CNTNAP5: variants seen among roughly 807,000 people sequenced by gnomAD.
CNTNAP5 encodes the protein contactin-associated protein-like 5.
Under a neutral mutation model 150.2 loss-of-function variants are expected in CNTNAP5, and 72 were observed. The ratio of observed to expected loss-of-function variants is 0.48; its 90% CI spans 0.40 to 0.58. The LOEUF (loss-of-function observed/expected upper bound fraction) is 0.58, where lower values mean the gene tolerates loss of function less well. Ranked by LOEUF, CNTNAP5 falls within the 20% of genes least tolerant of loss-of-function variation. The probability of loss-of-function intolerance (pLI) is 0.00; values close to 1 mark genes in which losing one functional copy is unlikely to be tolerated. For synonymous variants in CNTNAP5, 672 were observed against 619.8 expected (o/e 1.08, Z -1.25); for missense variants, 1,636 against 1,626.2 (o/e 1.01, Z -0.10).
rs1681506988 is a variant in CNTNAP5, at chr2:124,783,936, C to G, written c.2753-5966C>G. 5.9e-5 allele frequency among the ~76,000 whole-genome samples: 9 copies of G among 152,252 alleles called. No homozygotes were observed. The South Asian group carries it at 1.9e-3, about 32-fold the overall frequency. ...GAAATTAAAGTCTACAGTAGGATTT[C>G]CTCCTGGTACCAAGATTCTGCCAAT... On this transcript the variant is annotated intron_variant, in intron 17 of 23. Transcript: ENST00000682447.
intron 10 of CNTNAP5, among the ~76,000 whole-genome samples, chr2:124,559,061 A>G (rs1695826703): frequency 6.6e-6 from 1 of 152,204 alleles, no homozygotes; most frequent in African/African-American, 2.4e-5. Context: ...ACAGCAAAAC[A>G]CAGTACAAAA....
chr2:124,435,676 G>T (rs971724493), intron 5 of CNTNAP5, among the ~76,000 whole-genome samples: 1 of 152,134 alleles, frequency 6.6e-6, no homozygotes, highest in Non-Finnish European at 1.5e-5. Flanking sequence ...ACCCTAAGTT[G>T]CATGGAAGAC....
chr2:124,474,655 T>G, intron 6 of CNTNAP5, 84 bp from the exon 7 acceptor site: 1 of 1,202,422 alleles, frequency 8.3e-7, no homozygotes, highest in Non-Finnish European at 1.1e-6. Context: ...CAATTGAATC[T>G]ACCAAAAACG....
rs17726206 is a variant in CNTNAP5, at chr2:124,448,375, C to A, written c.918+1438C>A. Among the ~76,000 whole-genome samples the A allele has an allele frequency of 7.8e-3, 1,184 of 152,068 alleles. 13 individuals are homozygous for A. The highest frequency in any genetic ancestry group is 0.012 in the Non-Finnish European group (849 of 67,986). ...TTCTAATTATTTCACTATATTATATCGATTTGCCTGTCTCTTTTAACTAAA... is the reference window on the plus strand; with the variant it reads ...TTCTAATTATTTCACTATATTATATAGATTTGCCTGTCTCTTTTAACTAAA... On this transcript the variant is annotated intron_variant, in intron 6 of 23. Coordinates refer to ENST00000682447, the MANE Select transcript of CNTNAP5 (RefSeq NM_001367498.1).
intron 2 of CNTNAP5, among the ~76,000 whole-genome samples, chr2:124,222,742 T>TA (rs1469984320): frequency 1.3e-5 from 2 of 148,672 alleles, no homozygotes; most frequent in Non-Finnish European, 3.0e-5. Context: ...TTTTTTTTTT[T>TA]ACACGCTAAC....
intron 13 of CNTNAP5, among the ~76,000 whole-genome samples, chr2:124,707,071 GAAGA>G: frequency 1.5e-5 from 2 of 137,882 alleles, no homozygotes; most frequent in African/African-American, 5.7e-5. Flanking sequence ...AGAGGAAGAG[GAAGA>G]AGAAGAAGAG....
chr2:124,678,895 C>T (rs1449194322), intron 13 of CNTNAP5, among the ~76,000 whole-genome samples: 1 of 151,940 alleles, frequency 6.6e-6, no homozygotes, highest in South Asian at 2.1e-4. Context: ...ATCCTTGTGG[C>T]TTAGCACAAT....
intron 3 of CNTNAP5, among the ~76,000 whole-genome samples, chr2:124,308,178 T>C (rs535247560): frequency 3.2e-4 from 48 of 152,192 alleles, no homozygotes; most frequent in Admixed American, 1.8e-3. Flanking sequence ...TTACTTTTCA[T>C]TGCTAATATT....
intron 13 of CNTNAP5, among the ~76,000 whole-genome samples, chr2:124,709,427 T>C (rs76887994): frequency 0.16 from 24,716 of 151,924 alleles, 2,275 homozygotes; most frequent in East Asian, 0.24. Flanking sequence ...AAAAAATGAG[T>C]CTTACATAAA....
chr2:124,630,959 G>C (rs1031857210), intron 12 of CNTNAP5, among the ~76,000 whole-genome samples: 3 of 152,092 alleles, frequency 2.0e-5, no homozygotes, highest in Non-Finnish European at 4.4e-5. Flanking sequence ...AATCATGAAT[G>C]AGCTCCCATT....
At chr2:124,374,716 G>T (rs956478806) in intron 3 of CNTNAP5, among the ~76,000 whole-genome samples, 15 of 152,104 alleles carry the variant, frequency 9.9e-5, no homozygotes, top group African/African-American at 3.6e-4. Flanking sequence ...ACCACACCTA[G>T]TGGCAAAATC....
At chr2:124,837,195 G>T (rs1304942138) in intron 19 of CNTNAP5, among the ~76,000 whole-genome samples, 1 of 151,670 alleles carries the variant, frequency 6.6e-6, no homozygotes, top group African/African-American at 2.4e-5. Flanking sequence ...AAAAAAAAAG[G>T]TTAAATGCAG....
intron 1 of CNTNAP5, among the ~76,000 whole-genome samples, chr2:124,032,284 G>T (rs1681074462): frequency 6.6e-6 from 1 of 152,044 alleles, no homozygotes; most frequent in South Asian, 2.1e-4. Flanking sequence ...AGAAATGGGA[G>T]GGGGGCAGTT....
intron 19 of CNTNAP5, among the ~76,000 whole-genome samples, chr2:124,817,632 C>G (rs1253804252): frequency 6.6e-6 from 1 of 152,174 alleles, no homozygotes; most frequent in East Asian, 1.9e-4. Context: ...CATCGTGTCC[C>G]AGCACAGTTC....
At chr2:124,807,421 A>C (rs1316951510) in intron 19 of CNTNAP5, among the ~76,000 whole-genome samples, 1 of 152,116 alleles carries the variant, frequency 6.6e-6, no homozygotes, top group African/African-American at 2.4e-5. Context: ...GCTAGAAAAT[A>C]TTTCCTAGCA....
intron 13 of CNTNAP5, among the ~76,000 whole-genome samples, chr2:124,670,528 C>T (rs1363133293): frequency 6.6e-6 from 1 of 152,092 alleles, no homozygotes; most frequent in Non-Finnish European, 1.5e-5. Flanking sequence ...ACTTTATTGA[C>T]ATTGTCCTTT....
chr2:124,413,526 A>G (rs1213044473), intron 3 of CNTNAP5, among the ~76,000 whole-genome samples: 5 of 135,978 alleles, frequency 3.7e-5, no homozygotes, highest in Admixed American at 7.6e-5. Context: ...TGTGGCACAT[A>G]TACACCATGG....
At chr2:124,725,484 C>G (rs1193159593) in intron 13 of CNTNAP5, among the ~76,000 whole-genome samples, 1 of 149,994 alleles carries the variant, frequency 6.7e-6, no homozygotes, top group Non-Finnish European at 1.5e-5. Flanking sequence ...TCCTCCTTCC[C>G]CCTTCCTTTC....
chr2:124,908,806 G>C (rs1046947276), intron 22 of CNTNAP5, among the ~76,000 whole-genome samples: 2 of 152,016 alleles, frequency 1.3e-5, no homozygotes, highest in African/African-American at 4.8e-5. Flanking sequence ...GATCTACTGT[G>C]TATGTTTGTG....
Sources: allele counts gnomAD v4.1 joint callset (sites outside exome capture counted in the v4.1 genomes callset), GRCh38; gene constraint gnomAD v4.1.1; transcripts MANE v1.5; gene names NCBI Gene and HGNC (gene_info 2026-07-23, HGNC 2026-07-21).